HECW1: variants seen among roughly 807,000 people sequenced by gnomAD.
HECW1 encodes the protein E3 ubiquitin-protein ligase HECW1.
In HECW1, 61 loss-of-function variants were observed where a neutral mutation model predicts 182.3. The ratio of observed to expected loss-of-function variants is 0.33; its 90% CI spans 0.27 to 0.41. HECW1 has a LOEUF of 0.41. Among genes scored for constraint, HECW1 ranks in the 10% least tolerant of loss-of-function variants. The probability of loss-of-function intolerance (pLI) is 1.00; values close to 1 mark genes in which losing one functional copy is unlikely to be tolerated. For missense variants in HECW1, 1,739 were observed against 2,108.9 expected (o/e 0.82, Z 3.44); for synonymous variants, 859 against 832.6 (o/e 1.03, Z -0.55).
At chr7:43,348,061 T>TCTC (rs1434850777) in intron 5 of HECW1, among the ~76,000 whole-genome samples, 1 of 152,232 alleles carries the variant, frequency 6.6e-6, no homozygotes, top group Admixed American at 6.5e-5. Flanking sequence ...GTTCCTTCTT[T>TCTC]CTCTATCTTG....
chr7:43,155,146 CA>C (rs1789741792), intron 2 of HECW1, among the ~76,000 whole-genome samples: 1 of 152,178 alleles, frequency 6.6e-6, no homozygotes, highest in East Asian at 1.9e-4. Flanking sequence ...TTCAAAATAA[CA>C]AACTTTGTGC....
At chr7:43,438,345 T>G (rs2076775525) in intron 9 of HECW1, 200 bp downstream of exon 9, 1 of 460,960 alleles carries the variant, frequency 2.2e-6, no homozygotes, top group Non-Finnish European at 3.8e-6. Flanking sequence ...CCTTTTCACT[T>G]GATGTGTAAC....
intron 17 of HECW1, among the ~76,000 whole-genome samples, chr7:43,487,934 G>A (rs867889385): frequency 2.7e-5 from 4 of 150,560 alleles, no homozygotes; most frequent in African/African-American, 7.3e-5. Context: ...ACTCCAGCCT[G>A]GATAACAGAG....
chr7:43,439,298 C>T (rs1455424228), intron 9 of HECW1: 2 of 152,154 alleles, frequency 1.3e-5, no homozygotes, highest in African/African-American at 4.8e-5. Flanking sequence ...AACAAGGCTT[C>T]AAAAGGATCA....
chr7:43,394,591 G>A (rs1391206323), intron 6 of HECW1, among the ~76,000 whole-genome samples: 3 of 152,132 alleles, frequency 2.0e-5, no homozygotes, highest in Admixed American at 2.0e-4. Flanking sequence ...GGAGTCTAAG[G>A]AACTAAGGAA....
chr7:43,505,344 C>G (rs958993594), intron 21 of HECW1, among the ~76,000 whole-genome samples: 1 of 152,206 alleles, frequency 6.6e-6, no homozygotes, highest in Non-Finnish European at 1.5e-5. Context: ...CACTTCACTT[C>G]ATCTCCACTG....
chr7:43,138,995 G>C (rs1325675060), intron 2 of HECW1, among the ~76,000 whole-genome samples: 1 of 152,136 alleles, frequency 6.6e-6, no homozygotes, highest in African/African-American at 2.4e-5. Flanking sequence ...TTGTTTGTTT[G>C]TTTGTTTGTT....
At chr7:43,348,106 A>G (rs891406606) in intron 5 of HECW1, among the ~76,000 whole-genome samples, 5 of 152,052 alleles carry the variant, frequency 3.3e-5, no homozygotes, top group Non-Finnish European at 7.4e-5. Context: ...TCATCTTTCA[A>G]TGTCTGGTAG....
At position 43,240,278 on chromosome 7, in the gene HECW1, C is replaced by A. The variant is rs559583793; in HGVS notation, c.-31-3597C>A. Among the ~76,000 whole-genome samples the A allele has an allele frequency of 2.6e-3, 401 of 152,274 alleles. 3 individuals carry two copies. The highest frequency in any genetic ancestry group is 8.9e-3 in the African/African-American group (370 of 41,552). ...GCGTGAACCCGGGAGGCGGAGCTTG[C>A]AGTGAGCCGAGATCTGGCCACTACA... On this transcript the variant is annotated intron_variant, in intron 2 of 29. Coordinates refer to ENST00000395891, the MANE Select transcript of HECW1 (RefSeq NM_015052.5).
intron 8 of HECW1, among the ~76,000 whole-genome samples, chr7:43,426,975 C>G (rs766450173): frequency 5.9e-5 from 9 of 151,968 alleles, no homozygotes; most frequent in Non-Finnish European, 1.0e-4. Flanking sequence ...TCTCTACTAT[C>G]TCTTTTTATT....
At chr7:43,390,865 A>T (rs1562924655) in intron 6 of HECW1, among the ~76,000 whole-genome samples, 3 of 152,186 alleles carry the variant, frequency 2.0e-5, no homozygotes, top group Non-Finnish European at 4.4e-5. Flanking sequence ...AATGGCTGGA[A>T]TGTAACAAAG....
At chr7:43,502,045 T>G (rs2079384594) in intron 21 of HECW1, among the ~76,000 whole-genome samples, 1 of 152,160 alleles carries the variant, frequency 6.6e-6, no homozygotes. Flanking sequence ...TACTCTCTGG[T>G]CCTTTGCAGA....
chr7:43,174,383 G>C (rs550795980), intron 2 of HECW1, among the ~76,000 whole-genome samples: 1 of 152,250 alleles, frequency 6.6e-6, no homozygotes, highest in African/African-American at 2.4e-5. Context: ...TGCAAATGCT[G>C]TTTCTTTCTT....
chr7:43,142,849 G>GTGTAAAATCGACAGGTCCCAGATC (rs771210266), intron 2 of HECW1, among the ~76,000 whole-genome samples: 1 of 151,986 alleles, frequency 6.6e-6, no homozygotes, highest in African/African-American at 2.4e-5. Context: ...GGAGCACAGG[G>GTGTAAAATCGACAGGTCCCAGATC]TGTAAAATCG....
chr7:43,319,109 C>T (rs1397266080), intron 4 of HECW1, among the ~76,000 whole-genome samples: 2 of 152,146 alleles, frequency 1.3e-5, no homozygotes, highest in Non-Finnish European at 2.9e-5. Context: ...AACATCGGGC[C>T]GGGCGCGGTG....
In HECW1 at chr7:43,184,000, A is replaced by G. The variant is rs570508748; in HGVS notation, c.-31-59875A>G. On this transcript the variant is annotated intron_variant, in intron 2 of 29. Transcript: ENST00000395891. ...AAGATGTGATTTGTAGCATTTGCCAATTCTTTTATTATTATTATTATTTTT... is the reference window on the plus strand; with the variant it reads ...AAGATGTGATTTGTAGCATTTGCCAGTTCTTTTATTATTATTATTATTTTT... Among the ~76,000 whole-genome samples the G allele has an allele frequency of 9.9e-5, 15 of 151,926 alleles. 1 individual carries two copies. The highest frequency in any genetic ancestry group is 1.8e-4 in the Non-Finnish European group (12 of 67,968).
intron 16 of HECW1, among the ~76,000 whole-genome samples, chr7:43,471,278 T>A (rs1397720767): frequency 2.0e-5 from 3 of 152,146 alleles, no homozygotes; most frequent in Non-Finnish European, 4.4e-5. Context: ...TTGGAAAGGA[T>A]ATGCTGCACA....
chr7:43,292,459 C>A (rs1805513481), intron 3 of HECW1, among the ~76,000 whole-genome samples: 1 of 152,214 alleles, frequency 6.6e-6, no homozygotes, highest in South Asian at 2.1e-4. Flanking sequence ...GTTATAAGAA[C>A]AACTGAAGCC....
intron 2 of HECW1, among the ~76,000 whole-genome samples, chr7:43,217,940 G>C (rs1019391133): frequency 6.6e-6 from 1 of 151,906 alleles, no homozygotes; most frequent in Admixed American, 6.5e-5. Flanking sequence ...TCCTTCTGGG[G>C]CTGGAGAGTG....
Sources: gnomAD v4.1 joint callset for allele counts (sites outside exome capture counted in the v4.1 genomes callset) on GRCh38, gnomAD v4.1.1 for gene constraint, MANE v1.5 for transcripts, NCBI Gene and HGNC (gene_info 2026-07-23, HGNC 2026-07-21) for gene names.